The following CRIM1 variants were observed in gnomAD, a reference collection of about 807,000 sequenced individuals.
CRIM1 encodes the protein cysteine rich transmembrane BMP regulator 1.
Under a neutral mutation model 116.4 loss-of-function variants are expected in CRIM1, and 32 were observed. That is an observed-to-expected ratio of 0.27 (90% confidence interval 0.21 to 0.37). CRIM1 has a LOEUF of 0.37. CRIM1 is among the 10% of genes least tolerant of loss of function. The pLI, the probability that CRIM1 is intolerant of heterozygous loss-of-function variation, is 1.00. For synonymous variants in CRIM1, 590 were observed against 509.2 expected (o/e 1.16, Z -2.13); for missense variants, 1,331 against 1,354.8 (o/e 0.98, Z 0.28).
chr2:36,537,096 G>A (rs895951867), intron 13 of CRIM1, among the ~76,000 whole-genome samples: 7 of 152,072 alleles, frequency 4.6e-5, no homozygotes, highest in Non-Finnish European at 2.9e-5. Context: ...ACAGTCTAAG[G>A]ACACTTATCT....
chr2:36,538,418 C>T (rs1572959288), intron 14 of CRIM1, among the ~76,000 whole-genome samples: 1 of 131,586 alleles, frequency 7.6e-6, no homozygotes, highest in Non-Finnish European at 1.5e-5. Context: ...AGGTCCTCAG[C>T]GAGTCAGGAG....
chr2:36,459,352 C>A (rs2124993801), intron 4 of CRIM1, among the ~76,000 whole-genome samples: 1 of 152,276 alleles, frequency 6.6e-6, no homozygotes, highest in African/African-American at 2.4e-5. Context: ...TACCTAGAAG[C>A]TTGCAGTCTA....
chr2:36,499,361 A>G lies in CRIM1; in HGVS notation c.1501+14A>G. On this transcript the variant is annotated intron_variant, in intron 8 of 16. Transcript: ENST00000280527. ...AGTGCATAAACAGTGAGTAGACAGAAGACTGTATGTTTTTTCTGAGGCCTA... is the reference window on the plus strand; with the variant it reads ...AGTGCATAAACAGTGAGTAGACAGAGGACTGTATGTTTTTTCTGAGGCCTA... 3 of 1,612,818 alleles carry G rather than the reference A, an allele frequency of 1.9e-6. No homozygotes were observed. Among genetic ancestry groups the G allele is most frequent in the Non-Finnish European group, 2.5e-6 (3 of 1,179,412 alleles).
intron 6 of CRIM1, 34 bp from the exon 7 acceptor site, chr2:36,479,463 C>G (rs374418425): frequency 1.0e-5 from 16 of 1,599,768 alleles, no homozygotes; most frequent in Non-Finnish European, 1.3e-5. Context: ...TTAGAAGATG[C>G]TCAGTCTAAC....
At chr2:36,437,158 G>A (rs1287853728) in intron 2 of CRIM1, among the ~76,000 whole-genome samples, 4 of 152,138 alleles carry the variant, frequency 2.6e-5, no homozygotes, top group African/African-American at 7.2e-5. Flanking sequence ...GGCAGATCAC[G>A]AGGTCAGGAG....
intron 2 of CRIM1, among the ~76,000 whole-genome samples, chr2:36,426,032 C>A (rs1204140307): frequency 6.6e-6 from 1 of 152,164 alleles, no homozygotes; most frequent in Non-Finnish European, 1.5e-5. Flanking sequence ...ATGAACTAGT[C>A]AAAACTGTTT....
In CRIM1 at chr2:36,355,939, G is replaced by A. The variant is rs904430462; in HGVS notation, c.-354G>A. 1.8e-4 allele frequency: 27 copies of A among 151,846 alleles called. No homozygotes were observed. Among genetic ancestry groups the A allele is most frequent in the Non-Finnish European group, 3.2e-4 (22 of 68,050 alleles). 9.4% of individuals were successfully genotyped at this position (151,846 alleles called of 1,614,324 possible). A position where few individuals can be genotyped will look rare whatever the true frequency, so the allele number is the denominator to read the frequency against. On this transcript the variant is annotated 5_prime_UTR_variant, in exon 1 of 17. Transcript: ENST00000280527. Reference sequence around the variant, plus strand: ...GAGGGAGGAGGCGCCGCCGGCCCGGGCTGGAGCCGAGCGCAGCAGCCACCG... The same window carrying A: ...GAGGGAGGAGGCGCCGCCGGCCCGGACTGGAGCCGAGCGCAGCAGCCACCG...
intron 11 of CRIM1, among the ~76,000 whole-genome samples, chr2:36,517,037 C>T (rs1665074837): frequency 6.6e-6 from 1 of 152,190 alleles, no homozygotes; most frequent in African/African-American, 2.4e-5. Flanking sequence ...CCCCTGTTCT[C>T]ATCTCTAGAG....
chr2:36,549,885 C>T lies in CRIM1; in HGVS notation c.*1184C>T, dbSNP rs1001270892. On this transcript the variant is annotated 3_prime_UTR_variant, in exon 17 of 17. Transcript: ENST00000280527. ...TTTATACACATACAATTTATGTTTTCCTGTTGAATGTATTTTTATGAGATT... is the reference window on the plus strand; with the variant it reads ...TTTATACACATACAATTTATGTTTTTCTGTTGAATGTATTTTTATGAGATT... The T allele has an allele frequency of 6.6e-6, 1 of 151,676 alleles. No homozygotes were observed. Among genetic ancestry groups the T allele is most frequent in the African/African-American group, 2.4e-5 (1 of 41,188 alleles). 9.4% of individuals were successfully genotyped at this position (151,676 alleles called of 1,614,324 possible).
rs930006071 is a variant in CRIM1 at position 36,548,388 on chromosome 2, A to G, written c.2935-137A>G. ...ATAGTTGGTACTAGAACAAGATGTG[A>G]TAATCTGCATACAGGCTATCAATCA... On this transcript the variant is annotated intron_variant, in intron 16 of 16. Coordinates refer to ENST00000280527, the MANE Select transcript of CRIM1 (RefSeq NM_016441.3). The G allele has an allele frequency of 1.3e-4, 64 of 506,384 alleles. 1 individual carries two copies. Among genetic ancestry groups the G allele is most frequent in the Middle Eastern group, 2.9e-4 (1 of 3,464 alleles). The allele number at this position is 506,384 out of a possible 1,614,324, so 31.4% of individuals were successfully genotyped here. A position where few individuals can be genotyped will look rare whatever the true frequency, so the allele number is the denominator to read the frequency against.
rs879609456 is a variant in CRIM1, at chr2:36,366,775, CAAA to C, written c.331+10154_331+10156del. Among the ~76,000 whole-genome samples the C allele has an allele frequency of 1.1e-3, 170 of 152,320 alleles. 2 individuals are homozygous for C. The South Asian group carries it at 0.02, about 18-fold the overall frequency. On this transcript the variant is annotated intron_variant, in intron 1 of 16. Coordinates refer to ENST00000280527, the MANE Select transcript of CRIM1 (RefSeq NM_016441.3). The stretch of plus-strand genomic sequence containing the variant: ...AAAACGTTTCACAGCTGTGATTAAA[CAAA>C]AGGCATCTTTTGTTGGAGAATTGTG...
At chr2:36,435,637 TTTC>T (rs1427822837) in intron 2 of CRIM1, among the ~76,000 whole-genome samples, 1 of 151,894 alleles carries the variant, frequency 6.6e-6, no homozygotes, top group Non-Finnish European at 1.5e-5. Flanking sequence ...TTGTCATTAC[TTTC>T]AATGGCAAAA....
intron 1 of CRIM1, among the ~76,000 whole-genome samples, chr2:36,384,940 A>G (rs1283180936): frequency 6.6e-6 from 1 of 152,248 alleles, no homozygotes; most frequent in Non-Finnish European, 1.5e-5. Context: ...ACTTAAGATG[A>G]AACTGGGCAA....
intron 1 of CRIM1, among the ~76,000 whole-genome samples, chr2:36,388,355 A>G (rs567690863): frequency 6.6e-6 from 1 of 152,306 alleles, no homozygotes; most frequent in East Asian, 1.9e-4. Flanking sequence ...AACAAAGTCT[A>G]ATTGGTCTGA....
chr2:36,458,112 C>T (rs540818756), intron 4 of CRIM1, among the ~76,000 whole-genome samples: 8 of 152,302 alleles, frequency 5.3e-5, no homozygotes, highest in Admixed American at 4.6e-4. Context: ...GAAATCTTTT[C>T]CAGAAGACCT....
At chr2:36,398,527 A>G (rs1417197624) in intron 2 of CRIM1, among the ~76,000 whole-genome samples, 1 of 152,238 alleles carries the variant, frequency 6.6e-6, no homozygotes, top group Non-Finnish European at 1.5e-5. Context: ...AAGTGATTCT[A>G]AAAAGGCTGT....
intron 5 of CRIM1, among the ~76,000 whole-genome samples, chr2:36,466,582 C>T (rs920330499): frequency 6.6e-6 from 1 of 152,222 alleles, no homozygotes; most frequent in Non-Finnish European, 1.5e-5. Flanking sequence ...AGACTTAACG[C>T]TCATGCCTGT....
At chr2:36,441,152 C>T (rs1675785033) in intron 2 of CRIM1, 106 bp from the exon 3 acceptor site, 1 of 1,441,508 alleles carries the variant, frequency 6.9e-7, no homozygotes, top group Non-Finnish European at 9.5e-7. Context: ...TCTTTCCCTA[C>T]CGTCCTCTTT....
chr2:36,449,933 A>AT (rs1165124517), intron 4 of CRIM1, among the ~76,000 whole-genome samples: 1 of 152,150 alleles, frequency 6.6e-6, no homozygotes, highest in Non-Finnish European at 1.5e-5. Context: ...TAGAGTAATG[A>AT]TTTAAGCCAG....
Sources: gnomAD v4.1 joint callset for allele counts (sites outside exome capture counted in the v4.1 genomes callset) on GRCh38, gnomAD v4.1.1 for gene constraint, MANE v1.5 for transcripts, NCBI Gene and HGNC (gene_info 2026-07-23, HGNC 2026-07-21) for gene names.